Variants in XKR6 observed in about 807,000 individuals in gnomAD.
The protein encoded by XKR6 is XK-related protein 6.
A neutral mutation model predicts 56.7 loss-of-function variants in XKR6; 22 were observed. The ratio of observed to expected loss-of-function variants is 0.39; its 90% CI spans 0.28 to 0.55. The LOEUF is 0.55. XKR6 is among the 20% of genes least tolerant of loss of function. The pLI, the probability that XKR6 is intolerant of heterozygous loss-of-function variation, is 0.66. For missense variants in XKR6, 852 were observed against 889.0 expected (o/e 0.96, Z 0.53); for synonymous variants, 524 against 387.8 (o/e 1.35, Z -4.13).
intron 1 of XKR6, among the ~76,000 whole-genome samples, chr8:11,144,433 G>A (rs1423298991): frequency 1.3e-5 from 2 of 151,546 alleles, no homozygotes; most frequent in Non-Finnish European, 2.9e-5. Flanking sequence ...GAGCAAAGTC[G>A]AGAAGCAGGA....
intron 1 of XKR6, among the ~76,000 whole-genome samples, chr8:10,976,834 T>A (rs1394171588): frequency 6.6e-6 from 1 of 152,004 alleles, no homozygotes; most frequent in Admixed American, 6.5e-5. Context: ...AATCCTCCAA[T>A]AGCGATGTGG....
intron 1 of XKR6, among the ~76,000 whole-genome samples, chr8:11,052,933 G>A (rs35393221): frequency 1.2e-3 from 177 of 152,336 alleles, no homozygotes; most frequent in Non-Finnish European, 1.5e-3. Context: ...CACCGCTGAA[G>A]CCCCGGCCTG....
In XKR6 at chr8:11,200,079, G is replaced by C. The variant is rs1014611972; in HGVS notation, c.764+497C>G. On this transcript the variant is annotated intron_variant, in intron 1 of 2. Transcript: ENST00000416569. This position sits in a 1 kb window ranked among gnomAD's most constrained non-coding sequence, Gnocchi z 6.4. ...AGGGGCGTGGAATCCAGGAGTGCTC[G>C]GAGGCGGCAGCAAGGGTTTTTCCAC... 7.9e-5 allele frequency among the ~76,000 whole-genome samples: 12 copies of C among 152,322 alleles called. No individual in the cohort carries two copies. In the South Asian group the frequency reaches 1.0e-3, roughly 13 times the overall value.
At chr8:10,910,152 G>T (rs1215551950) in intron 2 of XKR6, among the ~76,000 whole-genome samples, 1 of 152,106 alleles carries the variant, frequency 6.6e-6, no homozygotes, top group South Asian at 2.1e-4. Context: ...GCATCTGGCA[G>T]GTAGAGGCCA....
At chr8:10,969,462 T>G (rs865932628) in intron 1 of XKR6, among the ~76,000 whole-genome samples, 1 of 152,336 alleles carries the variant, frequency 6.6e-6, no homozygotes, top group Middle Eastern at 3.4e-3. Flanking sequence ...TACATATTAG[T>G]AGATACAAGA....
At chr8:10,916,821 G>A (rs1398050362) in intron 2 of XKR6, among the ~76,000 whole-genome samples, 3 of 152,342 alleles carry the variant, frequency 2.0e-5, no homozygotes, top group Admixed American at 6.5e-5. Flanking sequence ...TTGTTTGGAC[G>A]CAGTCAGTCT....
chr8:10,911,199 C>CGTGTGTGTGT (rs745616432), intron 2 of XKR6, among the ~76,000 whole-genome samples: 36 of 126,340 alleles, frequency 2.8e-4, no homozygotes, highest in African/African-American at 9.6e-4. Flanking sequence ...AGAGGGTGTG[C>CGTGTGTGTGT]GTGTGTGTGT....
intron 1 of XKR6, among the ~76,000 whole-genome samples, chr8:11,020,478 G>A (rs561094848): frequency 3.0e-4 from 46 of 152,298 alleles, no homozygotes; most frequent in African/African-American, 9.1e-4. Context: ...GCTTCTCCCC[G>A]TCCTTCTTAG....
At chr8:11,003,545 C>T (rs531996678) in intron 1 of XKR6, among the ~76,000 whole-genome samples, 1 of 152,292 alleles carries the variant, frequency 6.6e-6, no homozygotes, top group East Asian at 1.9e-4. Context: ...TACTATTATA[C>T]CTAATCTGTG....
Position 10,987,632 on chromosome 8 carries a change from GA to G in XKR6, c.765-62803del, listed in dbSNP as rs552691656. 1.2e-4 allele frequency among the ~76,000 whole-genome samples: 19 copies of G among 152,262 alleles called. No individual in the cohort carries two copies. The South Asian group carries it at 3.9e-3, about 32-fold the overall frequency. On this transcript the variant is annotated intron_variant, in intron 1 of 2. Transcript: ENST00000416569. ...AGTGTATTCTGGACACAGTGAGAGG[GA>G]CCACGTTAAACTGTAATCATACCCT...
rs1804146102 is a variant in XKR6, at chr8:11,200,440, C to A, written c.764+136G>T. ...ATCAAACGCCGGTCTTTTGGAGACG[C>A]CAGGGGCGGCGCGCGGCCGGTCCCT... On this transcript the variant is annotated intron_variant, in intron 1 of 2. Coordinates refer to ENST00000416569, the MANE Select transcript of XKR6 (RefSeq NM_173683.4). The surrounding 1 kb of genome is among the most constrained non-coding windows in gnomAD (Gnocchi z 6.4). The A allele has an allele frequency of 8.4e-7, 1 of 1,185,762 alleles. No individual in the cohort carries two copies. The highest frequency in any genetic ancestry group is 3.2e-5 in the East Asian group (1 of 31,306). 73.5% of individuals were successfully genotyped at this position (1,185,762 alleles called of 1,614,324 possible).
At chr8:11,086,374 C>T (rs28719598) in intron 1 of XKR6, among the ~76,000 whole-genome samples, 31,230 of 151,934 alleles carry the variant, frequency 0.21, 3,517 homozygotes, top group African/African-American at 0.28. Flanking sequence ...AGGATGTGCC[C>T]GGCACACAGT....
In XKR6 at chr8:10,917,098, G is replaced by A. The variant is rs142492497; in HGVS notation, c.961+7536C>T. Among the ~76,000 whole-genome samples, 381 of 151,178 alleles carry A rather than the reference G, an allele frequency of 2.5e-3. 1 individual carries two copies. The highest frequency in any genetic ancestry group is 8.8e-3 in the African/African-American group (363 of 41,120). ...TTTTTTTTTTTTTGGCACAAATTTG[G>A]TGCTGGTATCTGTGGTTATGGATGT... is the stretch of plus-strand genomic sequence containing the variant. On this transcript the variant is annotated intron_variant, in intron 2 of 2. Transcript: ENST00000416569.
At chr8:10,927,471 ACT>A (rs1800924994) in intron 1 of XKR6, among the ~76,000 whole-genome samples, 1 of 151,932 alleles carries the variant, frequency 6.6e-6, no homozygotes, top group East Asian at 1.9e-4. Flanking sequence ...CAGACTACAG[ACT>A]CTGCTTCTTC....
intron 1 of XKR6, chr8:11,062,782 T>C: frequency 2.2e-6 from 1 of 456,306 alleles, no homozygotes; most frequent in South Asian, 1.5e-5. Context: ...CTCTTTTCCC[T>C]GGGCACAGAG....
At position 10,960,105 on chromosome 8, in the gene XKR6, G is replaced by T. The variant is rs536334547; in HGVS notation, c.765-35275C>A. On this transcript the variant is annotated intron_variant, in intron 1 of 2. Coordinates refer to ENST00000416569, the MANE Select transcript of XKR6 (RefSeq NM_173683.4). Reference sequence around the variant, plus strand: ...TCAGTCTTCAAACTGCCCCATTAAAGATCTCTTCCAATCAGGAAAACATAA... The same window carrying T: ...TCAGTCTTCAAACTGCCCCATTAAATATCTCTTCCAATCAGGAAAACATAA... 6.6e-5 allele frequency among the ~76,000 whole-genome samples: 10 copies of T among 152,310 alleles called. No individual in the cohort carries two copies. In the South Asian group the frequency reaches 1.9e-3, roughly 28 times the overall value.
intron 1 of XKR6, among the ~76,000 whole-genome samples, chr8:11,133,994 G>A (rs1175660917): frequency 6.6e-6 from 1 of 152,100 alleles, no homozygotes; most frequent in Non-Finnish European, 1.5e-5. Context: ...GCCTCATCCT[G>A]CAATTACTTG....
At chr8:11,010,097 C>T (rs1401183356) in intron 1 of XKR6, among the ~76,000 whole-genome samples, 1 of 152,108 alleles carries the variant, frequency 6.6e-6, no homozygotes, top group Non-Finnish European at 1.5e-5. Context: ...CCTCAGGAAG[C>T]TTACAATCAT....
chr8:10,964,586 C>T (rs982025470), intron 1 of XKR6, among the ~76,000 whole-genome samples: 1 of 152,172 alleles, frequency 6.6e-6, no homozygotes, highest in African/African-American at 2.4e-5. Context: ...GGACAACATC[C>T]TGGTCTTGAA....
Sources: gnomAD v4.1 joint callset for allele counts (sites outside exome capture counted in the v4.1 genomes callset) on GRCh38, gnomAD v4.1.1 for gene constraint, Gnocchi (gnomAD v3.1) non-coding constraint, MANE v1.5 for transcripts, NCBI Gene and HGNC (gene_info 2026-07-23, HGNC 2026-07-21) for gene names.